DLG1: variants seen among roughly 807,000 people sequenced by gnomAD.
The protein encoded by DLG1 is discs large MAGUK scaffold protein 1, also known as disks large homolog 1.
DLG1 carries 42 observed loss-of-function variants against 123.4 expected under a neutral mutation model. The ratio of observed to expected loss-of-function variants is 0.34; its 90% CI spans 0.27 to 0.44. The LOEUF (loss-of-function observed/expected upper bound fraction) is 0.44, where lower values mean the gene tolerates loss of function less well. Ranked by LOEUF, DLG1 falls within the 20% of genes least tolerant of loss-of-function variation. DLG1 has a pLI of 1.00. For missense variants in DLG1, 942 were observed against 1,082.6 expected (o/e 0.87, Z 1.82); for synonymous variants, 317 against 356.2 (o/e 0.89, Z 1.24).
upstream of DLG1, chr3:197,299,185 G>A (rs1778716687): frequency 6.6e-6 from 1 of 152,254 alleles, no homozygotes; most frequent in Non-Finnish European, 1.5e-5. Flanking sequence ...GGGAATCTCG[G>A]GAAGCTTTCC....
chr3:197,146,539 T>TAA (rs904694997), intron 6 of DLG1, among the ~76,000 whole-genome samples: 1 of 151,794 alleles, frequency 6.6e-6, no homozygotes, highest in African/African-American at 2.4e-5. Flanking sequence ...AACAAAAACA[T>TAA]AAAGTGGGGA....
At chr3:197,072,232 T>C (rs1026436760) in intron 18 of DLG1, among the ~76,000 whole-genome samples, 1 of 152,164 alleles carries the variant, frequency 6.6e-6, no homozygotes, top group African/African-American at 2.4e-5. Flanking sequence ...AATATTATAA[T>C]AAGCATTCTG....
chr3:197,178,498 G>C (rs1808346446), intron 5 of DLG1, among the ~76,000 whole-genome samples: 2 of 152,148 alleles, frequency 1.3e-5, no homozygotes, highest in Admixed American at 6.6e-5. Context: ...TGAGTAGAAA[G>C]TTAGATATAA....
At chr3:197,117,564 G>A (rs985225382) in intron 12 of DLG1, among the ~76,000 whole-genome samples, 1 of 152,058 alleles carries the variant, frequency 6.6e-6, no homozygotes, top group Non-Finnish European at 1.5e-5. Flanking sequence ...AGTGAAATAG[G>A]CCAGTCACAA....
At chr3:197,134,898 G>C (rs368412275) in intron 10 of DLG1, among the ~76,000 whole-genome samples, 1 of 152,228 alleles carries the variant, frequency 6.6e-6, no homozygotes, top group Non-Finnish European at 1.5e-5. Context: ...TAACCCCTAG[G>C]GGGTAGACAA....
At chr3:197,161,290 G>T (rs1050695138) in intron 5 of DLG1, among the ~76,000 whole-genome samples, 1 of 152,116 alleles carries the variant, frequency 6.6e-6, no homozygotes, top group Non-Finnish European at 1.5e-5. Flanking sequence ...ATTGGTACAA[G>T]ATCAGGAGTA....
At chr3:197,122,083 T>C (rs966549499) in intron 11 of DLG1, among the ~76,000 whole-genome samples, 3 of 152,014 alleles carry the variant, frequency 2.0e-5, no homozygotes, top group Non-Finnish European at 2.9e-5. Context: ...TGAACACAGA[T>C]GTAAACCTAA....
intron 4 of DLG1, among the ~76,000 whole-genome samples, chr3:197,268,870 A>G (rs999043527): frequency 1.3e-5 from 2 of 151,110 alleles, no homozygotes; most frequent in African/African-American, 2.5e-5. Flanking sequence ...GTTTAAATAC[A>G]AACACACACT....
intron 4 of DLG1, among the ~76,000 whole-genome samples, chr3:197,249,895 T>A: frequency 6.6e-6 from 1 of 152,234 alleles, no homozygotes; most frequent in East Asian, 1.9e-4. Context: ...AACAAACTGT[T>A]ACAGATGAAA....
chr3:197,061,695 G>C (rs748582157), intron 22 of DLG1, among the ~76,000 whole-genome samples: 1 of 152,074 alleles, frequency 6.6e-6, no homozygotes, highest in Non-Finnish European at 1.5e-5. Flanking sequence ...CTCTCGGATG[G>C]CAGGTTACAC....
At chr3:197,049,044 C>T (rs757005915) in intron 24 of DLG1, among the ~76,000 whole-genome samples, 4 of 151,970 alleles carry the variant, frequency 2.6e-5, no homozygotes, top group Non-Finnish European at 2.9e-5. Flanking sequence ...TTGGGCCAGG[C>T]GTGGTGGCTC....
chr3:197,097,190 G>A (rs1291888214), intron 14 of DLG1, among the ~76,000 whole-genome samples: 1 of 152,180 alleles, frequency 6.6e-6, no homozygotes, highest in Non-Finnish European at 1.5e-5. Context: ...AACTACAGCT[G>A]GTTAACTGTG....
At chr3:197,254,940 T>C (rs1031313718) in intron 4 of DLG1, among the ~76,000 whole-genome samples, 1 of 151,864 alleles carries the variant, frequency 6.6e-6, no homozygotes, top group Non-Finnish European at 1.5e-5. Flanking sequence ...CTTGTAATCC[T>C]AGCTACTCAG....
intron 11 of DLG1, among the ~76,000 whole-genome samples, chr3:197,126,616 C>T (rs1779272714): frequency 6.6e-6 from 1 of 152,032 alleles, no homozygotes; most frequent in Non-Finnish European, 1.5e-5. Context: ...TTAAAAAATA[C>T]ACAAAGCCTT....
intron 5 of DLG1, among the ~76,000 whole-genome samples, chr3:197,193,245 T>C (rs939787832): frequency 1.3e-5 from 2 of 152,112 alleles, no homozygotes; most frequent in Admixed American, 6.5e-5. Context: ...AATGGGCACG[T>C]AACAGATAAG....
intron 20 of DLG1, 46 bp downstream of exon 20, chr3:197,066,657 AG>A: frequency 7.0e-7 from 1 of 1,419,536 alleles, no homozygotes; most frequent in African/African-American, 1.4e-5. Flanking sequence ...CAAATTAAAA[AG>A]TATATTCTTC....
rs138922435 is a variant in DLG1 at position 197,051,355 on chromosome 3, G to A, written c.2575+222C>T. On this transcript the variant is annotated intron_variant, in intron 24 of 24. Transcript: ENST00000667157. ...GGAGAATCGCTTGAGCCAGGGAGGCGGAGGTTGCGGTGAGCCGAGTCATAC... is the reference window on the plus strand; with the variant it reads ...GGAGAATCGCTTGAGCCAGGGAGGCAGAGGTTGCGGTGAGCCGAGTCATAC... 4.0e-3 allele frequency among the ~76,000 whole-genome samples: 610 copies of A among 152,164 alleles called. 4 individuals carry two copies. Among genetic ancestry groups the A allele is most frequent in the Middle Eastern group, 0.02 (6 of 294 alleles).
chr3:197,197,886 A>G (rs1392735771), intron 4 of DLG1, among the ~76,000 whole-genome samples: 7 of 152,246 alleles, frequency 4.6e-5, no homozygotes, highest in African/African-American at 1.7e-4. Context: ...GTGCCAAGGG[A>G]GAAAGAATAG....
At chr3:197,049,841 T>G (rs752311906) in intron 24 of DLG1, among the ~76,000 whole-genome samples, 20 of 152,272 alleles carry the variant, frequency 1.3e-4, no homozygotes, top group Admixed American at 9.2e-4. Flanking sequence ...GGAAGAACGA[T>G]TGCTTGAGCC....
Sources: gnomAD v4.1 joint callset for allele counts (sites outside exome capture counted in the v4.1 genomes callset) on GRCh38, gnomAD v4.1.1 for gene constraint, MANE v1.5 for transcripts, NCBI Gene and HGNC (gene_info 2026-07-23, HGNC 2026-07-21) for gene names.